The following RUNX1T1 variants were observed in gnomAD, a reference collection of about 807,000 sequenced individuals.
RUNX1T1 encodes the protein RUNX1 partner transcriptional co-repressor 1.
A neutral mutation model predicts 62.8 loss-of-function variants in RUNX1T1; 4 were observed. That is an observed-to-expected ratio of 0.06 (90% CI 0.03 to 0.15). The LOEUF (loss-of-function observed/expected upper bound fraction) is 0.15. RUNX1T1 is among the 10% of genes least tolerant of loss of function. The pLI is 1.00. For missense variants in RUNX1T1, 508 were observed against 754.3 expected, an observed-to-expected ratio of 0.67 and a Z score of 3.82; for synonymous variants, 291 against 286.0, an observed-to-expected ratio of 1.02 and a Z score of -0.18.
chr8:91,972,494 A>C (rs537794749), intron 9 of RUNX1T1, among the ~76,000 whole-genome samples: 1 of 152,120 alleles, frequency 6.6e-6, no homozygotes, highest in Non-Finnish European at 1.5e-5. Flanking sequence ...CAAACAGCTT[A>C]TAGCACCTTC....
Position 92,074,848 on chromosome 8 carries a change from A to G in RUNX1T1, c.88+1117T>C, listed in dbSNP as rs1379931016. On this transcript the variant is annotated intron_variant, in intron 2 of 11. Coordinates refer to the RUNX1T1 transcript ENST00000265814. ...AAAAGAACATCATCACAGTATGAAG[A>G]AGGAGGAATGAAAAGAAGGGAAATA... is the stretch of plus-strand genomic sequence containing the variant. 2.6e-5 allele frequency among the ~76,000 whole-genome samples: 4 copies of G among 152,204 alleles called. No individual in the cohort carries two copies. The East Asian group carries it at 5.8e-4, about 22-fold the overall frequency.
chr8:92,089,284 T>C (rs1836604001), intron 1 of RUNX1T1, among the ~76,000 whole-genome samples: 1 of 152,220 alleles, frequency 6.6e-6, no homozygotes, highest in Non-Finnish European at 1.5e-5. Flanking sequence ...ACATCAGTTT[T>C]ACAAACTAAA....
chr8:91,978,808 G>T (rs1326994635), intron 8 of RUNX1T1, among the ~76,000 whole-genome samples: 2 of 151,996 alleles, frequency 1.3e-5, no homozygotes, highest in East Asian at 3.9e-4. Flanking sequence ...GGTGTCTTGG[G>T]GGTACATATA....
intron 2 of RUNX1T1, among the ~76,000 whole-genome samples, chr8:92,071,816 T>C (rs1299815091): frequency 6.6e-6 from 1 of 152,204 alleles, no homozygotes; most frequent in African/African-American, 2.4e-5. Context: ...TGCGGCTCCA[T>C]GGTTCTGCAT....
intron 5 of RUNX1T1, among the ~76,000 whole-genome samples, chr8:91,997,420 G>A (rs1023194776): frequency 6.6e-6 from 1 of 152,002 alleles, no homozygotes; most frequent in Non-Finnish European, 1.5e-5. Flanking sequence ...CAAATTGGTA[G>A]AGCACAATAA....
chr8:92,062,045 G>A (rs1372539425), intron 1 of RUNX1T1, among the ~76,000 whole-genome samples: 1 of 152,080 alleles, frequency 6.6e-6, no homozygotes, highest in Non-Finnish European at 1.5e-5. Context: ...TGACATCTAA[G>A]GGCTGTGATT....
At chr8:92,047,640 GAT>G (rs1305761856) in intron 1 of RUNX1T1, among the ~76,000 whole-genome samples, 1 of 151,882 alleles carries the variant, frequency 6.6e-6, no homozygotes, top group Non-Finnish European at 1.5e-5. Flanking sequence ...CTGCATGACT[GAT>G]TAAATGAATA....
At chr8:92,077,515 G>T (rs1043391143) in intron 1 of RUNX1T1, among the ~76,000 whole-genome samples, 1 of 152,050 alleles carries the variant, frequency 6.6e-6, no homozygotes, top group Non-Finnish European at 1.5e-5. Context: ...TCTGGAAGAT[G>T]GCAATGTGAG....
At chr8:92,052,522 A>G (rs1371053477) in intron 1 of RUNX1T1, among the ~76,000 whole-genome samples, 1 of 152,260 alleles carries the variant, frequency 6.6e-6, no homozygotes, top group African/African-American at 2.4e-5. Flanking sequence ...AAAAAATAAG[A>G]TTAAATGAAC....
intron 9 of RUNX1T1, among the ~76,000 whole-genome samples, chr8:91,973,258 A>C (rs1411830591): frequency 6.6e-6 from 1 of 151,924 alleles, no homozygotes; most frequent in Non-Finnish European, 1.5e-5. Flanking sequence ...ATATATATTT[A>C]AGAGAAAGAA....
intron 1 of RUNX1T1, among the ~76,000 whole-genome samples, chr8:92,089,524 G>A (rs1021424939): frequency 5.9e-5 from 9 of 151,904 alleles, no homozygotes; most frequent in Non-Finnish European, 1.3e-4. Flanking sequence ...CTTTGAGACC[G>A]GGGGTATGGT....
At chr8:92,027,367 T>C (rs1273220315) in intron 1 of RUNX1T1, among the ~76,000 whole-genome samples, 1 of 152,092 alleles carries the variant, frequency 6.6e-6, no homozygotes, top group Non-Finnish European at 1.5e-5. Flanking sequence ...CTCTGAAATG[T>C]TACCCTAGAA....
intron 1 of RUNX1T1, among the ~76,000 whole-genome samples, chr8:92,046,305 G>A (rs764129168): frequency 6.6e-6 from 1 of 152,014 alleles, no homozygotes; most frequent in Admixed American, 6.6e-5. Context: ...TCTAGATCAC[G>A]GTTTATAATA....
chr8:92,005,387 T>G, intron 4 of RUNX1T1, 90 bp from the exon 6 acceptor site: 1 of 1,143,276 alleles, frequency 8.7e-7, no homozygotes, highest in South Asian at 1.4e-5. Context: ...TGGAGAAGAG[T>G]ATGCAATGCA....
At chr8:92,034,993 C>T (rs1827133640) in intron 1 of RUNX1T1, among the ~76,000 whole-genome samples, 1 of 151,966 alleles carries the variant, frequency 6.6e-6, no homozygotes, top group African/African-American at 2.4e-5. Context: ...ATAATGGGTA[C>T]ACATGTAACG....
upstream of RUNX1T1, among the ~76,000 whole-genome samples, chr8:92,100,092 T>C (rs2130952836): frequency 6.6e-6 from 1 of 152,264 alleles, no homozygotes; most frequent in East Asian, 1.9e-4. Context: ...GCTGCAAAAA[T>C]ACTGTCCTTG....
chr8:91,973,508 G>A (rs994299245), intron 9 of RUNX1T1, among the ~76,000 whole-genome samples: 1 of 151,758 alleles, frequency 6.6e-6, no homozygotes, highest in African/African-American at 2.4e-5. Context: ...TCAAGTTTTG[G>A]GTGTTCTGCC....
chr8:92,068,765 ATT>A (rs1414739791), intron 2 of RUNX1T1, among the ~76,000 whole-genome samples: 1 of 152,146 alleles, frequency 6.6e-6, no homozygotes, highest in African/African-American at 2.4e-5. Flanking sequence ...AATCCTTAAG[ATT>A]TTCAGAGAAA....
At chr8:91,959,061 G>T (rs887948938) in exon 11 of RUNX1T1, 1 of 210,154 alleles carries the variant, frequency 4.8e-6, no homozygotes. Flanking sequence ...GAGACTAAAT[G>T]TGGGCATATG....
Sources: allele counts gnomAD v4.1 joint callset (sites outside exome capture counted in the v4.1 genomes callset), GRCh38; gene constraint gnomAD v4.1.1; transcripts MANE v1.5; gene names NCBI Gene and HGNC (gene_info 2026-07-23, HGNC 2026-07-21).